Variants in NOL10 observed in about 807,000 individuals in gnomAD.
NOL10 encodes the protein H_NH0074G24.1.
NOL10 carries 58 observed loss-of-function variants against 103.5 expected under a neutral mutation model. The ratio of observed to expected loss-of-function variants is 0.56; its 90% confidence interval spans 0.45 to 0.70. The LOEUF (loss-of-function observed/expected upper bound fraction) is 0.70. Among genes scored for constraint, NOL10 ranks in the 30% least tolerant of loss-of-function variants. NOL10 has a pLI of 0.00. For missense variants in NOL10, 763 were observed against 807.3 expected, an observed-to-expected ratio of 0.95 and a Z score of 0.67; for synonymous variants, 287 against 282.5, an observed-to-expected ratio of 1.02 and a Z score of -0.16.
chr2:10,668,754 G>A (rs1680717107), intron 6 of NOL10, 31 bp from the exon 7 acceptor site: 1 of 974,130 alleles, frequency 1.0e-6, no homozygotes, highest in African/African-American at 1.6e-5. Flanking sequence ...TTAAAAACCT[G>A]CTAAACTACA....
At chr2:10,646,076 T>C (rs755174586) in intron 12 of NOL10, among the ~76,000 whole-genome samples, 120 of 152,322 alleles carry the variant, frequency 7.9e-4, no homozygotes, top group Admixed American at 2.4e-3. Flanking sequence ...GTAACTCTTG[T>C]AGAATCTTTC....
At chr2:10,578,978 G>GA (rs1253293304) in intron 19 of NOL10, among the ~76,000 whole-genome samples, 1 of 152,150 alleles carries the variant, frequency 6.6e-6, no homozygotes, top group Non-Finnish European at 1.5e-5. Flanking sequence ...ACTGAAGAAA[G>GA]AAAAAGGCTG....
chr2:10,596,393 G>A (rs552519064), intron 17 of NOL10, among the ~76,000 whole-genome samples: 10 of 152,064 alleles, frequency 6.6e-5, no homozygotes, highest in East Asian at 5.8e-4. Context: ...TAAAATCAGC[G>A]GGAGCCTTGA....
intron 10 of NOL10, 70 bp downstream of exon 10, chr2:10,659,102 T>C (rs1405405614): frequency 2.0e-6 from 2 of 1,023,588 alleles, no homozygotes; most frequent in African/African-American, 3.2e-5. Flanking sequence ...CTGCAGTGTA[T>C]TTCTCATGAC....
At chr2:10,602,725 G>C (rs1676043416) in intron 16 of NOL10, 51 bp downstream of exon 16, 2 of 1,115,392 alleles carry the variant, frequency 1.8e-6, no homozygotes, top group Non-Finnish European at 2.6e-6. Flanking sequence ...TACACAAAAT[G>C]GAAATTAAGT....
chr2:10,620,309 C>T (rs1451638755), intron 13 of NOL10, among the ~76,000 whole-genome samples: 1 of 151,944 alleles, frequency 6.6e-6, no homozygotes, highest in Non-Finnish European at 1.5e-5. Flanking sequence ...TAAAAATACC[C>T]AGGGGGGGAA....
chr2:10,664,358 GCAGACATTGCGGTGAGCCGAGTC>G (rs879391089), intron 8 of NOL10, among the ~76,000 whole-genome samples: 1 of 152,040 alleles, frequency 6.6e-6, no homozygotes, highest in African/African-American at 2.4e-5. Flanking sequence ...AACCTGGGAG[GCAGACATTGCGGTGAGCCGAGTC>G]CAGCCTGGGA....
intron 13 of NOL10, among the ~76,000 whole-genome samples, chr2:10,630,517 C>T (rs1202412709): frequency 1.3e-5 from 2 of 152,102 alleles, no homozygotes; most frequent in Non-Finnish European, 2.9e-5. Flanking sequence ...TTGAGACTAT[C>T]TTGGCTAACA....
chr2:10,638,783 G>A (rs1318351576), intron 13 of NOL10, among the ~76,000 whole-genome samples: 10 of 136,228 alleles, frequency 7.3e-5, no homozygotes, highest in African/African-American at 1.7e-4. Context: ...TTGAGCCACC[G>A]TGCCTGGCCT....
At chr2:10,674,294 C>T (rs1022220341) in intron 4 of NOL10, among the ~76,000 whole-genome samples, 2 of 151,936 alleles carry the variant, frequency 1.3e-5, no homozygotes, top group Non-Finnish European at 2.9e-5. Flanking sequence ...CCACAGACCA[C>T]ATATCCCATT....
At chr2:10,682,670 G>T (rs1266984689) in intron 2 of NOL10, among the ~76,000 whole-genome samples, 3 of 152,024 alleles carry the variant, frequency 2.0e-5, no homozygotes, top group African/African-American at 7.2e-5. Flanking sequence ...AAACTTCTGG[G>T]ATTGCAGGAG....
At chr2:10,583,066 C>T (rs573314030) in intron 19 of NOL10, among the ~76,000 whole-genome samples, 4 of 152,312 alleles carry the variant, frequency 2.6e-5, no homozygotes, top group South Asian at 2.1e-4. Context: ...CTCTCTACTC[C>T]GATGGGTGTC....
At chr2:10,628,397 T>C (rs6432128) in intron 13 of NOL10, among the ~76,000 whole-genome samples, 152,088 of 152,282 alleles carry the variant, frequency 1, 75,947 homozygotes, top group Middle Eastern at 1. Flanking sequence ...ATTCCTTTGA[T>C]TTACAGTTGA....
intron 8 of NOL10, among the ~76,000 whole-genome samples, chr2:10,664,773 C>A (rs548608776): frequency 6.6e-6 from 1 of 152,154 alleles, no homozygotes; most frequent in Non-Finnish European, 1.5e-5. Context: ...TGGACTCAAG[C>A]GTTCCACCCA....
intron 9 of NOL10, 39 bp from the exon 10 acceptor site, chr2:10,659,289 C>T: frequency 2.5e-6 from 3 of 1,199,428 alleles, no homozygotes; most frequent in Non-Finnish European, 3.6e-6. Flanking sequence ...AATATACGGC[C>T]AAACCTCCTT....
Position 10,663,689 on chromosome 2 carries a change from C to T in NOL10, c.592-645G>A, listed in dbSNP as rs140792621. Among the ~76,000 whole-genome samples, 396 of 152,128 alleles carry T rather than the reference C, an allele frequency of 2.6e-3. 3 individuals carry two copies. The highest frequency in any genetic ancestry group is 9.1e-3 in the African/African-American group (378 of 41,512). On this transcript the variant is annotated intron_variant, in intron 8 of 20. Transcript: ENST00000381685. Reference sequence around the variant, plus strand: ...ATCCCGGCCAGGCGCGGTGGCCACGCCTGTAATCCCAGCACTTTGGGAGGC... The same window carrying T: ...ATCCCGGCCAGGCGCGGTGGCCACGTCTGTAATCCCAGCACTTTGGGAGGC...
chr2:10,685,488 T>TC (rs56198509), intron 1 of NOL10, among the ~76,000 whole-genome samples: 2 of 8,392 alleles, frequency 2.4e-4, no homozygotes, highest in African/African-American at 3.3e-4. Context: ...AGAGACTCCG[T>TC]CCCCCCCCCC....
intron 17 of NOL10, 120 bp from the exon 18 acceptor site, chr2:10,589,871 A>G (rs914630100): frequency 1.8e-6 from 1 of 556,468 alleles, no homozygotes; most frequent in Non-Finnish European, 2.8e-6. Flanking sequence ...GGCATACATT[A>G]TTAACTCATT....
At chr2:10,672,116 T>G (rs1234599899) in intron 5 of NOL10, among the ~76,000 whole-genome samples, 1 of 151,866 alleles carries the variant, frequency 6.6e-6, no homozygotes, top group Non-Finnish European at 1.5e-5. Flanking sequence ...TCACCTGAGG[T>G]AGGGAGCTTG....
Sources: allele counts gnomAD v4.1 joint callset (sites outside exome capture counted in the v4.1 genomes callset), GRCh38; gene constraint gnomAD v4.1.1; transcripts MANE v1.5; gene names NCBI Gene and HGNC (gene_info 2026-07-23, HGNC 2026-07-21).